Variants in SPATA31F1 observed in about 807,000 individuals in gnomAD.
SPATA31F1 encodes SPATA31 subfamily F member 1.
At chr9:34,724,043 C>A in the SPATA31F1 span, 1 of 1,527,264 alleles carries the variant, frequency 6.5e-7, no homozygotes, top group East Asian at 2.5e-5. Context: ...GCGCCCAAAC[C>A]CCGCATCCCC....
chr9:34,727,886 A>T, the SPATA31F1 span: 1 of 767,704 alleles, frequency 1.3e-6, no homozygotes, highest in African/African-American at 1.8e-5. Context: ...CAACCCTCTC[A>T]CCCAGTGTCC....
At chr9:34,728,724 A>G in the SPATA31F1 span, 1 of 1,371,072 alleles carries the variant, frequency 7.3e-7, no homozygotes, top group Non-Finnish European at 1.0e-6. Flanking sequence ...AAATGAGACA[A>G]AACTTACATA....
At chr9:34,725,883 C>G in the SPATA31F1 span, 1 of 1,552,124 alleles carries the variant, frequency 6.4e-7, no homozygotes, top group Non-Finnish European at 8.7e-7. Flanking sequence ...TTGGGGAGGC[C>G]TTGAGATCCC....
At chr9:34,728,470 C>T in the SPATA31F1 span, 2 of 751,540 alleles carry the variant, frequency 2.7e-6, no homozygotes, top group Admixed American at 2.9e-5. Flanking sequence ...TGATTTCCCA[C>T]CCATGGAAAT....
chr9:34,725,743 C>T, the SPATA31F1 span: 5 of 1,548,952 alleles, frequency 3.2e-6, no homozygotes, highest in African/African-American at 4.1e-5. Context: ...CAGATGGAGA[C>T]ATCCAGTTTG....
At chr9:34,726,815 A>T in the SPATA31F1 span, 6 of 1,551,788 alleles carry the variant, frequency 3.9e-6, no homozygotes, top group Non-Finnish European at 4.4e-6. Context: ...AGACGTAGAC[A>T]GCATCTCTAG....
the SPATA31F1 span, chr9:34,723,669 A>G: frequency 6.4e-7 from 1 of 1,551,662 alleles, no homozygotes; most frequent in Non-Finnish European, 8.7e-7. Flanking sequence ...AGCCCATGCA[A>G]AACTTGGCCT....
chr9:34,726,599 A>T, the SPATA31F1 span: 25 of 1,551,338 alleles, frequency 1.6e-5, no homozygotes, highest in Non-Finnish European at 2.1e-5. Context: ...TGGGCCCCGG[A>T]GCACATCTGG....
chr9:34,723,772 C>G, the SPATA31F1 span: 2 of 1,551,714 alleles, frequency 1.3e-6, no homozygotes, highest in Non-Finnish European at 1.7e-6. Context: ...TCTGGGCATT[C>G]TCAGGAATTG....
the SPATA31F1 span, chr9:34,725,051 G>A: frequency 2.0e-3 from 3,092 of 1,551,820 alleles, 5 homozygotes; most frequent in Non-Finnish European, 2.4e-3. Context: ...ATGCAGGTCC[G>A]GGTCACTTGC....
At chr9:34,723,833 T>G in the SPATA31F1 span, 1 of 1,551,716 alleles carries the variant, frequency 6.4e-7, no homozygotes, top group Non-Finnish European at 8.7e-7. Context: ...TTGCAGGTCC[T>G]TCTCAGACTC....
the SPATA31F1 span, chr9:34,728,709 G>A: frequency 4.0e-6 from 6 of 1,485,772 alleles, no homozygotes; most frequent in Non-Finnish European, 5.5e-6. Flanking sequence ...TCTTTCTCAT[G>A]TCCAAAATGA....
the SPATA31F1 span, chr9:34,726,809 G>A: frequency 3.2e-5 from 49 of 1,551,676 alleles, 1 homozygote; most frequent in South Asian, 9.5e-5. Flanking sequence ...CATACTAGAC[G>A]TAGACAGCAT....
chr9:34,723,627 T>G, the SPATA31F1 span: 2 of 1,551,652 alleles, frequency 1.3e-6, no homozygotes, highest in Admixed American at 2.0e-5. Context: ...TCTGTAAGGC[T>G]GGGCTTCTTT....
chr9:34,727,157 G>A, the SPATA31F1 span, among the ~76,000 whole-genome samples: 1 of 152,234 alleles, frequency 6.6e-6, no homozygotes, highest in Non-Finnish European at 1.5e-5. Context: ...ATTTGGCAAG[G>A]TGTGGTGGGC....
the SPATA31F1 span, chr9:34,726,867 T>A: frequency 3.2e-6 from 5 of 1,551,654 alleles, no homozygotes; most frequent in Non-Finnish European, 4.4e-6. Context: ...GTCAGGGAGA[T>A]CTGGTTGTTC....
chr9:34,728,780 C>T, the SPATA31F1 span: 3 of 864,610 alleles, frequency 3.5e-6, no homozygotes, highest in South Asian at 3.3e-5. Context: ...TTTATACACT[C>T]TCCTGGACTT....
the SPATA31F1 span, chr9:34,728,762 A>C: frequency 9.7e-7 from 1 of 1,029,134 alleles, no homozygotes; most frequent in Non-Finnish European, 1.5e-6. Flanking sequence ...GTATATATCT[A>C]TCTGTATTTT....
chr9:34,724,448 T>C, the SPATA31F1 span: 161 of 1,551,422 alleles, frequency 1.0e-4, no homozygotes, highest in Non-Finnish European at 1.3e-4. Context: ...GTTTAGACTT[T>C]CAAGAGACTT....
Sources: allele counts gnomAD v4.1 joint callset (sites outside exome capture counted in the v4.1 genomes callset), GRCh38; gene constraint gnomAD v4.1.1; transcripts MANE v1.5; gene names NCBI Gene and HGNC (gene_info 2026-07-23, HGNC 2026-07-21).